Variants in DSCAM observed in about 807,000 individuals in gnomAD.
DSCAM encodes cell adhesion molecule DSCAM.
Under a neutral mutation model 217.7 loss-of-function variants are expected in DSCAM, and 47 were observed. The observed-to-expected ratio is 0.22, with a 90% CI of 0.17 to 0.28. The LOEUF (loss-of-function observed/expected upper bound fraction) is 0.28, where lower values mean the gene tolerates loss of function less well. DSCAM is among the 10% of genes least tolerant of loss of function. DSCAM has a pLI of 1.00. For synonymous variants in DSCAM, 1,056 were observed against 1,015.3 expected (o/e 1.04, Z -0.76); for missense variants, 2,080 against 2,618.3 (o/e 0.79, Z 4.49).
intron 1 of DSCAM, among the ~76,000 whole-genome samples, chr21:40,762,483 C>G (rs987361326): frequency 2.6e-5 from 4 of 152,130 alleles, no homozygotes; most frequent in Non-Finnish European, 5.9e-5. Flanking sequence ...AGTCTACCAA[C>G]CAAAAAAGCC....
chr21:40,799,298 C>A (rs1268659839), intron 1 of DSCAM, among the ~76,000 whole-genome samples: 2 of 152,196 alleles, frequency 1.3e-5, no homozygotes, highest in Admixed American at 1.3e-4. Context: ...AAATTGAGAG[C>A]TAACACATTA....
intron 1 of DSCAM, among the ~76,000 whole-genome samples, chr21:40,758,165 C>T (rs1056274870): frequency 6.6e-6 from 1 of 152,046 alleles, no homozygotes; most frequent in African/African-American, 2.4e-5. Context: ...AAGCAGACTC[C>T]CACCAGGAGC....
chr21:40,123,097 A>T (rs2090052595), intron 20 of DSCAM, among the ~76,000 whole-genome samples: 1 of 152,182 alleles, frequency 6.6e-6, no homozygotes, highest in African/African-American at 2.4e-5. Context: ...AGAGGAGTCA[A>T]ATCCAGAGAC....
chr21:40,816,683 C>A (rs2091884352), intron 1 of DSCAM, among the ~76,000 whole-genome samples: 1 of 152,168 alleles, frequency 6.6e-6, no homozygotes, highest in African/African-American at 2.4e-5. Flanking sequence ...TCTTTCACAT[C>A]CTCCCAGGAA....
At chr21:40,252,772 C>T (rs2073322075) in intron 11 of DSCAM, among the ~76,000 whole-genome samples, 1 of 152,134 alleles carries the variant, frequency 6.6e-6, no homozygotes, top group African/African-American at 2.4e-5. Context: ...GAACCAGATT[C>T]CCATTAAAGG....
intron 2 of DSCAM, among the ~76,000 whole-genome samples, chr21:40,704,815 C>G (rs996798370): frequency 2.0e-5 from 3 of 152,220 alleles, no homozygotes; most frequent in South Asian, 2.1e-4. Flanking sequence ...ATGACTGCAA[C>G]AGGGAAGGGT....
intron 3 of DSCAM, among the ~76,000 whole-genome samples, chr21:40,453,040 T>TGTGTGTGTGTGTGTG (rs2075733141): frequency 7.4e-6 from 1 of 134,328 alleles, no homozygotes; most frequent in South Asian, 2.7e-4. Context: ...TTTAAAGACT[T>TGTGTGTGTGTGTGTG]TGTGTGTGTG....
intron 17 of DSCAM, among the ~76,000 whole-genome samples, chr21:40,143,118 T>C (rs1417289207): frequency 1.3e-5 from 2 of 152,206 alleles, no homozygotes; most frequent in African/African-American, 4.8e-5. Flanking sequence ...TATTTAGTAA[T>C]ATCTGGCATA....
intron 29 of DSCAM, 26 bp downstream of exon 29, chr21:40,055,699 G>A (rs777092357): frequency 6.4e-7 from 1 of 1,560,212 alleles, no homozygotes; most frequent in South Asian, 1.1e-5. Context: ...GCCACTTTGT[G>A]TAAAGTGGCA....
chr21:40,280,656 C>T (rs1177936972), intron 10 of DSCAM, among the ~76,000 whole-genome samples: 3 of 152,152 alleles, frequency 2.0e-5, no homozygotes, highest in Non-Finnish European at 4.4e-5. Flanking sequence ...AAAGTAAATA[C>T]CTTCAGAGAG....
intron 3 of DSCAM, among the ~76,000 whole-genome samples, chr21:40,385,864 A>G (rs1301614077): frequency 6.6e-6 from 1 of 152,222 alleles, no homozygotes; most frequent in Non-Finnish European, 1.5e-5. Context: ...CAAGTAATAA[A>G]ATAATGCAAA....
At chr21:40,342,874 A>G (rs1455216174) in intron 6 of DSCAM, among the ~76,000 whole-genome samples, 1 of 147,376 alleles carries the variant, frequency 6.8e-6, no homozygotes. Context: ...ACCATGCCTC[A>G]GTTTTGCTTG....
intron 16 of DSCAM, among the ~76,000 whole-genome samples, chr21:40,156,287 C>CAGAG (rs749781848): frequency 0.043 from 3,280 of 75,600 alleles, 187 homozygotes; most frequent in Admixed American, 0.066. Flanking sequence ...CAAACTAAGA[C>CAGAG]AGAGAGAGAG....
At chr21:40,061,462 G>A (rs917756138) in intron 28 of DSCAM, among the ~76,000 whole-genome samples, 12 of 151,828 alleles carry the variant, frequency 7.9e-5, no homozygotes, top group Middle Eastern at 3.4e-3. Context: ...GTGGCTCCTC[G>A]GGAGGCTGAG....
chr21:40,188,942 A>C, intron 12 of DSCAM, 100 bp downstream of exon 12: 1 of 1,220,716 alleles, frequency 8.2e-7, no homozygotes, highest in East Asian at 2.3e-5. Context: ...ATAAATTCCG[A>C]AAGATTATCT....
intron 3 of DSCAM, among the ~76,000 whole-genome samples, chr21:40,563,114 CCA>C (rs34819746): frequency 0.45 from 68,698 of 151,568 alleles, 16,298 homozygotes; most frequent in Admixed American, 0.55. Context: ...AGGAGAGCCA[CCA>C]CATCTCAAAA....
chr21:40,676,460 T>C (rs1361243261), intron 3 of DSCAM, among the ~76,000 whole-genome samples: 2 of 152,220 alleles, frequency 1.3e-5, no homozygotes, highest in Non-Finnish European at 2.9e-5. Context: ...GTTCAGGTTT[T>C]CTCTACTTAG....
intron 27 of DSCAM, among the ~76,000 whole-genome samples, chr21:40,072,055 G>C (rs947035549): frequency 6.6e-6 from 1 of 152,162 alleles, no homozygotes; most frequent in Admixed American, 6.5e-5. Flanking sequence ...AGATGAGTCT[G>C]CCCCTTGCAA....
intron 3 of DSCAM, among the ~76,000 whole-genome samples, chr21:40,378,859 C>T (rs370066641): frequency 1.3e-5 from 2 of 152,064 alleles, no homozygotes; most frequent in East Asian, 3.9e-4. Flanking sequence ...TCCCAAAGTG[C>T]TGGGATTACA....
Sources: gnomAD v4.1 joint callset for allele counts (sites outside exome capture counted in the v4.1 genomes callset) on GRCh38, gnomAD v4.1.1 for gene constraint, MANE v1.5 for transcripts, NCBI Gene and HGNC (gene_info 2026-07-23, HGNC 2026-07-21) for gene names.